The following SGPP1 variants were observed in gnomAD, a reference collection of about 807,000 sequenced individuals.
SGPP1 encodes the protein hSPP1.
Under a neutral mutation model 33.0 loss-of-function variants are expected in SGPP1, and 21 were observed. The observed-to-expected ratio is 0.64, with a 90% CI of 0.45 to 0.92. SGPP1 has a LOEUF of 0.92. SGPP1 is among the 40% of genes least tolerant of loss of function. The pLI is 0.00. For missense variants in SGPP1, 543 were observed against 589.4 expected, an observed-to-expected ratio of 0.92 and a Z score of 0.81; for synonymous variants, 239 against 241.2, an observed-to-expected ratio of 0.99 and a Z score of 0.08.
intron 2 of SGPP1, among the ~76,000 whole-genome samples, chr14:63,697,039 G>T (rs1220871638): frequency 6.6e-6 from 1 of 152,078 alleles, no homozygotes; most frequent in Non-Finnish European, 1.5e-5. Context: ...GGGAGAGCGG[G>T]GGGAGGAAAG....
chr14:63,698,234 T>G (rs1022153951), intron 2 of SGPP1, among the ~76,000 whole-genome samples: 2 of 152,204 alleles, frequency 1.3e-5, no homozygotes, highest in Non-Finnish European at 2.9e-5. Flanking sequence ...CTCTCCTTGG[T>G]TTCTGTAGCC....
chr14:63,688,704 AC>A (rs1885032205), intron 2 of SGPP1, among the ~76,000 whole-genome samples: 1 of 149,466 alleles, frequency 6.7e-6, no homozygotes, highest in Non-Finnish European at 1.5e-5. Context: ...TTCAAAAACA[AC>A]CGTCATTTCT....
chr14:63,703,014 A>G (rs928580235), intron 1 of SGPP1, among the ~76,000 whole-genome samples: 1 of 152,188 alleles, frequency 6.6e-6, no homozygotes, highest in African/African-American at 2.4e-5. Flanking sequence ...TCAGGCACCA[A>G]TGGGGGTCGT....
intron 1 of SGPP1, among the ~76,000 whole-genome samples, chr14:63,699,157 G>A (rs998698929): frequency 6.6e-6 from 1 of 152,122 alleles, no homozygotes; most frequent in African/African-American, 2.4e-5. Flanking sequence ...TCAACACTTT[G>A]TACTTAGTTT....
At chr14:63,715,930 G>T in intron 1 of SGPP1, among the ~76,000 whole-genome samples, 1 of 152,254 alleles carries the variant, frequency 6.6e-6, no homozygotes, top group Middle Eastern at 3.4e-3. Flanking sequence ...TGGTTAGAAG[G>T]TTATCATGTA....
At chr14:63,714,850 C>G (rs185246131) in intron 1 of SGPP1, among the ~76,000 whole-genome samples, 21 of 151,756 alleles carry the variant, frequency 1.4e-4, no homozygotes, top group African/African-American at 5.1e-4. Context: ...ACCTTAGCCT[C>G]CAGAGTAGCT....
chr14:63,714,889 G>A (rs538227150), intron 1 of SGPP1, among the ~76,000 whole-genome samples: 1 of 151,064 alleles, frequency 6.6e-6, no homozygotes, highest in South Asian at 2.1e-4. Context: ...CACCACGCCT[G>A]GCTAACTTTC....
chr14:63,722,731 C>T (rs373312607), intron 1 of SGPP1, among the ~76,000 whole-genome samples: 3 of 151,318 alleles, frequency 2.0e-5, no homozygotes, highest in African/African-American at 2.4e-5. Context: ...TTTGGGAGGC[C>T]GAGGTGGGAG....
rs763992533 is a variant in SGPP1 at position 63,686,603 on chromosome 14, T to C, written c.828A>G (p.Pro276=). The stretch of plus-strand genomic sequence containing the variant: ...TGAAGTTGTCAATCAGGTCCACAAA[T>C]GGATAGAAGACAGCTAAGATTAAAA... ...YTILILAVFY[P]FVDLIDNFNQ... The change falls in exon 3 of 3, where the codon CCA becomes CCG. Residue 276 remains proline, a synonymous_variant. Coordinates refer to ENST00000247225, the MANE Select transcript of SGPP1 (RefSeq NM_030791.4). 13 of 1,613,566 alleles carry C rather than the reference T, an allele frequency of 8.1e-6. No homozygotes were observed. Among genetic ancestry groups the C allele is most frequent in the African/African-American group, 2.7e-5 (2 of 74,918 alleles).
intron 1 of SGPP1, among the ~76,000 whole-genome samples, chr14:63,711,314 CATTAAG>C (rs1344492282): frequency 2.6e-5 from 4 of 152,250 alleles, no homozygotes; most frequent in African/African-American, 9.6e-5. Flanking sequence ...TGCACCTGGC[CATTAAG>C]ATTGTTTTCT....
chr14:63,712,850 G>C (rs1885552636), intron 1 of SGPP1, among the ~76,000 whole-genome samples: 1 of 147,848 alleles, frequency 6.8e-6, no homozygotes, highest in African/African-American at 2.5e-5. Context: ...CTGTGAGGTG[G>C]AGGTTGCAGT....
chr14:63,687,303 T>C (rs1255106748), intron 2 of SGPP1, among the ~76,000 whole-genome samples: 2 of 152,032 alleles, frequency 1.3e-5, no homozygotes, highest in African/African-American at 4.8e-5. Context: ...TAGCCAGGTA[T>C]GGTGGCTCCA....
chr14:63,727,882 G>T lies in SGPP1; in HGVS notation c.63C>A (p.Ala21=). Residue 21 remains alanine (A), a synonymous_variant, in exon 1 of 3, where the codon GCC becomes GCA. Coordinates refer to ENST00000247225, the MANE Select transcript of SGPP1 (RefSeq NM_030791.4). ...VGRLQDPQKV[A]RFQRLCGVEA... ...CCACCCCGCACAGCCGCTGGAAACG[G>T]GCCACTTTCTGCGGGTCCTGCAGAC... 1 of 1,526,152 alleles carries T rather than the reference G, an allele frequency of 6.6e-7. No individual in the cohort carries two copies. Among genetic ancestry groups the T allele is most frequent in the East Asian group, 2.6e-5 (1 of 39,056 alleles). The allele number at this position is 1,526,152 out of a possible 1,614,324, so 94.5% of individuals were successfully genotyped here. A position where few individuals can be genotyped will look rare whatever the true frequency, so the allele number is the denominator to read the frequency against.
Position 63,698,670 on chromosome 14 carries a change from A to G in SGPP1, c.685-12T>C. ...TATATAAGAGGGTACTAAAGGGGAA[A>G]AAAAGTAAAATTAGTTAAACAAATT... On this transcript the variant is annotated splice_polypyrimidine_tract_variant and intron_variant, in intron 1 of 2. Coordinates refer to ENST00000247225, the MANE Select transcript of SGPP1 (RefSeq NM_030791.4). 1 of 1,456,924 alleles carries G rather than the reference A, an allele frequency of 6.9e-7. No individual in the cohort carries two copies. The highest frequency in any genetic ancestry group is 1.2e-5 in the South Asian group (1 of 80,022). The allele number at this position is 1,456,924 out of a possible 1,614,324, so 90.2% of individuals were successfully genotyped here. A position where few individuals can be genotyped will look rare whatever the true frequency, so the allele number is the denominator to read the frequency against.
chr14:63,703,299 T>C lies in SGPP1; in HGVS notation c.685-4641A>G, dbSNP rs139788221. ...AAAATACCCATACCTAGGAATAAAC[T>C]TAACTAAGGAAGTGAAAGGTTTGTC... On this transcript the variant is annotated intron_variant, in intron 1 of 2. Transcript: ENST00000247225. 7.5e-4 allele frequency among the ~76,000 whole-genome samples: 114 copies of C among 152,078 alleles called. 2 individuals are homozygous for C. In the East Asian group the frequency reaches 0.012, roughly 16 times the overall value.
At chr14:63,708,727 G>C (rs1055453787) in intron 1 of SGPP1, among the ~76,000 whole-genome samples, 1 of 152,132 alleles carries the variant, frequency 6.6e-6, no homozygotes, top group Non-Finnish European at 1.5e-5. Context: ...TATTCTAAGA[G>C]CTTTTACAAA....
intron 2 of SGPP1, among the ~76,000 whole-genome samples, chr14:63,690,921 G>A (rs1019830827): frequency 6.6e-6 from 1 of 152,038 alleles, no homozygotes; most frequent in Admixed American, 6.6e-5. Context: ...CACCATGTTG[G>A]GCAGGCTGGT....
At chr14:63,691,122 T>C (rs1430364658) in intron 2 of SGPP1, among the ~76,000 whole-genome samples, 1 of 152,234 alleles carries the variant, frequency 6.6e-6, no homozygotes, top group Non-Finnish European at 1.5e-5. Flanking sequence ...ATAATTGTAT[T>C]CTCTTTATTT....
At chr14:63,690,284 C>A (rs1439319323) in intron 2 of SGPP1, among the ~76,000 whole-genome samples, 1 of 152,200 alleles carries the variant, frequency 6.6e-6, no homozygotes, top group Non-Finnish European at 1.5e-5. Flanking sequence ...CTCAAGCAAT[C>A]CACCTGCCTC....
Sources: allele counts gnomAD v4.1 joint callset (sites outside exome capture counted in the v4.1 genomes callset), GRCh38; gene constraint gnomAD v4.1.1; transcripts MANE v1.5; gene names NCBI Gene and HGNC (gene_info 2026-07-23, HGNC 2026-07-21).